The following CREB5 variants were observed in gnomAD, a reference collection of about 807,000 sequenced individuals.
CREB5 encodes cAMP responsive element binding protein 5.
Under a neutral mutation model 57.1 loss-of-function variants are expected in CREB5, and 19 were observed. That is an observed-to-expected ratio of 0.33 (90% CI 0.23 to 0.49). CREB5 has a LOEUF of 0.49. Ranked by LOEUF, CREB5 falls within the 20% of genes least tolerant of loss-of-function variation. The probability of loss-of-function intolerance (pLI) is 0.99; values close to 1 mark genes in which losing one functional copy is unlikely to be tolerated. For synonymous variants in CREB5, 238 were observed against 238.3 expected, an observed-to-expected ratio of 1.00 and a Z score of 0.01; for missense variants, 579 against 671.6, an observed-to-expected ratio of 0.86 and a Z score of 1.52.
chr7:28,573,396 A>G (rs1232595103), intron 5 of CREB5, among the ~76,000 whole-genome samples: 2 of 152,232 alleles, frequency 1.3e-5, no homozygotes, highest in Non-Finnish European at 2.9e-5. Context: ...GCTACTGGCC[A>G]AGAAAAACAG....
rs545839008 is a variant in CREB5, at chr7:28,365,123, C to G, written c.-25+65682C>G. ...CTTGACCAAACCACGAATTGCATCT[C>G]CTCTAGAATAACAGTCTCAAACATT... On this transcript the variant is annotated intron_variant, in intron 1 of 9. Transcript: ENST00000396299. Among the ~76,000 whole-genome samples the G allele has an allele frequency of 3.2e-4, 48 of 152,336 alleles. No homozygotes were observed. The South Asian group carries it at 9.7e-3, about 31-fold the overall frequency.
chr7:28,444,689 C>T (rs1212175498), intron 1 of CREB5, among the ~76,000 whole-genome samples: 1 of 152,198 alleles, frequency 6.6e-6, no homozygotes, highest in Admixed American at 6.5e-5. Flanking sequence ...GAGAATTTCT[C>T]TCCTGCTGGT....
At chr7:28,804,083 T>C in intron 7 of CREB5, 116 bp from the exon 8 acceptor site, 1 of 921,056 alleles carries the variant, frequency 1.1e-6, no homozygotes, top group Non-Finnish European at 1.7e-6. Context: ...TAGGAAACAT[T>C]AACAATAGCA....
intron 3 of CREB5, among the ~76,000 whole-genome samples, chr7:28,500,109 G>A (rs536849834): frequency 2.0e-5 from 3 of 152,348 alleles, no homozygotes; most frequent in Non-Finnish European, 4.4e-5. Flanking sequence ...CAAGACAGGT[G>A]AGGTCTCTTT....
intron 7 of CREB5, among the ~76,000 whole-genome samples, chr7:28,747,529 C>A (rs1359247868): frequency 1.5e-4 from 23 of 152,208 alleles, no homozygotes. Flanking sequence ...TTGCTGGCAG[C>A]TGTCTGGAAC....
chr7:28,744,926 A>G (rs1176930295), intron 7 of CREB5, among the ~76,000 whole-genome samples: 1 of 152,224 alleles, frequency 6.6e-6, no homozygotes, highest in African/African-American at 2.4e-5. Context: ...CTTTCTCAGG[A>G]AGAGACCTCC....
chr7:28,725,644 T>A (rs1433551287), intron 7 of CREB5, among the ~76,000 whole-genome samples: 1 of 136,778 alleles, frequency 7.3e-6, no homozygotes, highest in Non-Finnish European at 1.6e-5. Flanking sequence ...ATATCTTTTT[T>A]TAAAAAAAAA....
intron 1 of CREB5, among the ~76,000 whole-genome samples, chr7:28,350,557 G>A (rs1240505884): frequency 1.3e-5 from 2 of 151,326 alleles, no homozygotes; most frequent in African/African-American, 4.9e-5. Context: ...TAGCTGTTGA[G>A]ATGGAAAAAA....
At chr7:28,456,461 A>G (rs930902334) in intron 1 of CREB5, among the ~76,000 whole-genome samples, 3 of 151,960 alleles carry the variant, frequency 2.0e-5, no homozygotes, top group Admixed American at 1.3e-4. Context: ...GCTCTCACTC[A>G]TGGTTACGGA....
chr7:28,703,948 A>G (rs1801984070), intron 5 of CREB5, among the ~76,000 whole-genome samples: 1 of 152,206 alleles, frequency 6.6e-6, no homozygotes, highest in African/African-American at 2.4e-5. Context: ...CAACCTAGGC[A>G]CTTAGGGAAT....
At chr7:28,605,081 AG>A (rs1797079984) in intron 5 of CREB5, among the ~76,000 whole-genome samples, 1 of 152,136 alleles carries the variant, frequency 6.6e-6, no homozygotes, top group Non-Finnish European at 1.5e-5. Flanking sequence ...AAGGTATTGA[AG>A]GACATGAAGG....
intron 4 of CREB5, among the ~76,000 whole-genome samples, chr7:28,540,948 C>T (rs952745099): frequency 6.6e-6 from 1 of 152,122 alleles, no homozygotes; most frequent in Admixed American, 6.5e-5. Flanking sequence ...GAAAACATAC[C>T]CACTGATACC....
At chr7:28,722,092 C>T (rs1053669118) in intron 6 of CREB5, among the ~76,000 whole-genome samples, 1 of 152,178 alleles carries the variant, frequency 6.6e-6, no homozygotes, top group Non-Finnish European at 1.5e-5. Context: ...AGACGACAGT[C>T]ATGAAGTTGG....
At chr7:28,787,835 T>G (rs1347558030) in intron 7 of CREB5, among the ~76,000 whole-genome samples, 1 of 152,198 alleles carries the variant, frequency 6.6e-6, no homozygotes, top group East Asian at 1.9e-4. Flanking sequence ...ATTACAGGCA[T>G]GAACCACCAC....
chr7:28,537,379 C>CCT (rs1794007223), intron 4 of CREB5, among the ~76,000 whole-genome samples: 2 of 149,534 alleles, frequency 1.3e-5, no homozygotes, highest in African/African-American at 4.9e-5. Context: ...CACTTAAAGC[C>CCT]TTTTTTTTTT....
At position 28,301,255 on chromosome 7, in the gene CREB5, G is replaced by A. The variant is rs190546107; in HGVS notation, c.-25+1814G>A. ...ACCTGTCTGGCAGGGATTTTCATGCGTTTCAAGTACATGAGGGGAAGAATC... is the reference window on the plus strand; with the variant it reads ...ACCTGTCTGGCAGGGATTTTCATGCATTTCAAGTACATGAGGGGAAGAATC... On this transcript the variant is annotated intron_variant, in intron 1 of 9. Transcript: ENST00000396299. 2.3e-4 allele frequency among the ~76,000 whole-genome samples: 35 copies of A among 152,258 alleles called. No homozygotes were observed. In the East Asian group the frequency reaches 6.0e-3, roughly 26 times the overall value.
At chr7:28,783,323 ATATTCT>A (rs1807099620) in intron 7 of CREB5, among the ~76,000 whole-genome samples, 3 of 152,146 alleles carry the variant, frequency 2.0e-5, no homozygotes, top group Admixed American at 2.0e-4. Context: ...AAAATTTATC[ATATTCT>A]TATATTAGAT....
At chr7:28,620,681 T>C (rs1268556307) in intron 5 of CREB5, among the ~76,000 whole-genome samples, 1 of 152,162 alleles carries the variant, frequency 6.6e-6, no homozygotes, top group African/African-American at 2.4e-5. Flanking sequence ...AACCCTCTCA[T>C]TGACATCCAG....
intron 4 of CREB5, among the ~76,000 whole-genome samples, chr7:28,562,731 C>G (rs1320875191): frequency 1.3e-5 from 2 of 152,212 alleles, no homozygotes; most frequent in African/African-American, 4.8e-5. Context: ...TGGTGTATAT[C>G]CAAGTTTTTC....
Sources: gnomAD v4.1 joint callset for allele counts (sites outside exome capture counted in the v4.1 genomes callset) on GRCh38, gnomAD v4.1.1 for gene constraint, MANE v1.5 for transcripts, NCBI Gene and HGNC (gene_info 2026-07-23, HGNC 2026-07-21) for gene names.